The following SNX29 variants were observed in gnomAD, a reference collection of about 807,000 sequenced individuals.
SNX29 encodes the protein sorting nexin 29.
SNX29 carries 78 observed loss-of-function variants against 102.1 expected under a neutral mutation model. That is an observed-to-expected ratio of 0.76 (90% confidence interval 0.64 to 0.92). SNX29 has a LOEUF of 0.92. SNX29 is among the 40% of genes least tolerant of loss of function. SNX29 has a pLI of 0.00. For missense variants in SNX29, 1,280 were observed against 1,061.7 expected (o/e 1.21, Z -2.86); for synonymous variants, 580 against 414.5 (o/e 1.40, Z -4.85).
chr16:12,148,924 A>T (rs1214055339), intron 13 of SNX29, among the ~76,000 whole-genome samples: 1 of 151,656 alleles, frequency 6.6e-6, no homozygotes, highest in African/African-American at 2.4e-5. Context: ...CTGGTCTCGA[A>T]CTCCTGACCT....
chr16:12,095,857 G>T (rs769975252), intron 11 of SNX29, among the ~76,000 whole-genome samples: 5 of 152,238 alleles, frequency 3.3e-5, no homozygotes, highest in Non-Finnish European at 7.3e-5. Context: ...TTGTCAATAG[G>T]CTGTGTTGAG....
chr16:12,359,699 A>G (rs1296954770), intron 16 of SNX29, among the ~76,000 whole-genome samples: 2 of 152,042 alleles, frequency 1.3e-5, no homozygotes, highest in African/African-American at 4.8e-5. Context: ...CTCATACTCT[A>G]CTCATTACTT....
chr16:12,216,795 G>A (rs1426357030), intron 14 of SNX29, among the ~76,000 whole-genome samples: 2 of 133,058 alleles, frequency 1.5e-5, no homozygotes, highest in Non-Finnish European at 3.0e-5. Context: ...CATTTCTGTT[G>A]CTAAGTCTTC....
intron 14 of SNX29, among the ~76,000 whole-genome samples, chr16:12,222,704 G>A (rs879552040): frequency 1.3e-5 from 2 of 152,164 alleles, no homozygotes; most frequent in African/African-American, 4.8e-5. Flanking sequence ...GGGTAGCTAG[G>A]ACTACAGGCA....
intron 19 of SNX29, among the ~76,000 whole-genome samples, chr16:12,480,225 C>T (rs927529037): frequency 3.9e-5 from 6 of 152,128 alleles, no homozygotes; most frequent in Admixed American, 6.5e-5. Flanking sequence ...GTCAGAAGTC[C>T]AAAATGAGCG....
At chr16:12,139,322 T>C (rs761471941) in intron 13 of SNX29, among the ~76,000 whole-genome samples, 1 of 152,124 alleles carries the variant, frequency 6.6e-6, no homozygotes, top group Non-Finnish European at 1.5e-5. Flanking sequence ...AATAGCGTTA[T>C]TACTGACAGT....
chr16:12,454,096 G>GTAT lies in SNX29; in HGVS notation c.2038-23621_2038-23619dup, dbSNP rs534674844. On this transcript the variant is annotated intron_variant, in intron 18 of 20. Coordinates refer to ENST00000566228, the MANE Select transcript of SNX29 (RefSeq NM_032167.5). ...TCTGGCCAGTAAGATATAGGTAGAT[G>GTAT]TATTGGTTGTGGCTTCCCAGAAAGG... 5.3e-5 allele frequency among the ~76,000 whole-genome samples: 8 copies of GTAT among 152,300 alleles called. No homozygotes were observed. The South Asian group carries it at 1.7e-3, about 32-fold the overall frequency.
rs745527190 is a variant in SNX29 at position 12,562,748 on chromosome 16, C to T, written c.2319-5758C>T. ...GTTTCTCGCTTTTATGGCATAGTTC[C>T]TTGAGTTTTCACAAAGGCTTGGAGT... On this transcript the variant is annotated intron_variant, in intron 20 of 20. Coordinates refer to ENST00000566228, the MANE Select transcript of SNX29 (RefSeq NM_032167.5). Among the ~76,000 whole-genome samples the T allele has an allele frequency of 5.3e-5, 8 of 152,256 alleles. 1 individual carries two copies. The South Asian group carries it at 8.3e-4, about 16-fold the overall frequency.
chr16:12,038,211 G>A (rs572360650), intron 4 of SNX29, among the ~76,000 whole-genome samples: 135 of 152,246 alleles, frequency 8.9e-4, no homozygotes, highest in Non-Finnish European at 1.0e-3. Flanking sequence ...TCTCCCCACT[G>A]TACAGATGAA....
intron 14 of SNX29, among the ~76,000 whole-genome samples, chr16:12,246,341 G>A (rs1037066897): frequency 5.3e-5 from 8 of 150,912 alleles, no homozygotes; most frequent in African/African-American, 1.9e-4. Flanking sequence ...ATGTCTGCAT[G>A]AAAAAAAAAG....
At chr16:12,069,836 G>C (rs573364449) in intron 10 of SNX29, among the ~76,000 whole-genome samples, 1 of 151,908 alleles carries the variant, frequency 6.6e-6, no homozygotes, top group African/African-American at 2.4e-5. Context: ...GACTACAGGC[G>C]CCCGCCACTG....
intron 14 of SNX29, among the ~76,000 whole-genome samples, chr16:12,220,446 G>C (rs1357657131): frequency 6.6e-6 from 1 of 152,086 alleles, no homozygotes; most frequent in African/African-American, 2.4e-5. Context: ...GGAGAGACAG[G>C]CAGGGGTCAA....
intron 4 of SNX29, among the ~76,000 whole-genome samples, chr16:12,036,243 T>C (rs1350120419): frequency 6.6e-6 from 1 of 151,918 alleles, no homozygotes; most frequent in Non-Finnish European, 1.5e-5. Context: ...CTCGGCTCCT[T>C]GTAGTTGGGT....
intron 13 of SNX29, among the ~76,000 whole-genome samples, chr16:12,143,040 C>G (rs1434699221): frequency 6.6e-6 from 1 of 151,654 alleles, no homozygotes; most frequent in East Asian, 1.9e-4. Flanking sequence ...TCTTGTTGCC[C>G]AGGCTGGAGT....
chr16:12,201,693 C>T (rs1027040090), intron 14 of SNX29, among the ~76,000 whole-genome samples: 5 of 152,288 alleles, frequency 3.3e-5, no homozygotes, highest in South Asian at 4.1e-4. Flanking sequence ...TAGATTTGCA[C>T]GTCTAGATAA....
intron 16 of SNX29, among the ~76,000 whole-genome samples, chr16:12,383,905 A>T (rs2083265165): frequency 6.7e-6 from 1 of 148,896 alleles, no homozygotes. Flanking sequence ...CTATCATTCT[A>T]CTCTCTGTCT....
chr16:12,433,353 G>A (rs529021923), intron 18 of SNX29, among the ~76,000 whole-genome samples: 30 of 152,200 alleles, frequency 2.0e-4, no homozygotes, highest in African/African-American at 4.6e-4. Flanking sequence ...ACGATTGGCC[G>A]GGCGCAGTGG....
chr16:12,026,580 C>A (rs566123512), intron 3 of SNX29, among the ~76,000 whole-genome samples: 24 of 152,306 alleles, frequency 1.6e-4, no homozygotes, highest in East Asian at 5.8e-4. Flanking sequence ...CTCTTTGTTC[C>A]TGAATCTCCT....
At chr16:12,231,236 T>C (rs1274268959) in intron 14 of SNX29, among the ~76,000 whole-genome samples, 1 of 152,182 alleles carries the variant, frequency 6.6e-6, no homozygotes, top group Non-Finnish European at 1.5e-5. Context: ...GGTCCCTGGA[T>C]TGGGTTGTAA....
Sources: gnomAD v4.1 joint callset for allele counts (sites outside exome capture counted in the v4.1 genomes callset) on GRCh38, gnomAD v4.1.1 for gene constraint, MANE v1.5 for transcripts, NCBI Gene and HGNC (gene_info 2026-07-23, HGNC 2026-07-21) for gene names.